Variants in TRIM71 observed in about 807,000 individuals in gnomAD.
TRIM71 encodes tripartite motif containing 71.
A neutral mutation model predicts 61.2 loss-of-function variants in TRIM71; 9 were observed. The ratio of observed to expected loss-of-function variants is 0.15; its 90% confidence interval spans 0.09 to 0.26. The LOEUF (loss-of-function observed/expected upper bound fraction) is 0.26. Ranked by LOEUF, TRIM71 falls within the 10% of genes least tolerant of loss-of-function variation. The pLI is 1.00. For synonymous variants in TRIM71, 645 were observed against 553.2 expected (o/e 1.17, Z -2.33); for missense variants, 998 against 1,238.7 (o/e 0.81, Z 2.92).
rs1471232176 is a variant in TRIM71, at chr3:32,818,242, C to T, written c.162C>T (p.Arg54=). The change falls in exon 1 of 4, where the codon CGC becomes CGT. Residue 54 remains arginine (R), a synonymous_variant. Coordinates refer to ENST00000383763, the MANE Select transcript of TRIM71 (RefSeq NM_001039111.3). The part of the protein sequence containing the change: ...GGGGGPGAAA[R]RLHVLPCLHA... ...GCGGGGGCCCTGGGGCGGCGGCGCGCCGCCTACACGTCCTGCCCTGCCTGC... is the reference window on the plus strand; with the variant it reads ...GCGGGGGCCCTGGGGCGGCGGCGCGTCGCCTACACGTCCTGCCCTGCCTGC... 2.0e-6 allele frequency: 3 copies of T among 1,488,756 alleles called. No individual in the cohort carries two copies. The highest frequency in any genetic ancestry group is 2.7e-6 in the Non-Finnish European group (3 of 1,130,266). 92.2% of individuals were successfully genotyped at this position (1,488,756 alleles called of 1,614,324 possible). A position where few individuals can be genotyped will look rare whatever the true frequency, so the allele number is the denominator to read the frequency against.
chr3:32,874,363 CTA>C (rs1696832153), intron 2 of TRIM71, among the ~76,000 whole-genome samples: 5 of 108,384 alleles, frequency 4.6e-5, no homozygotes, highest in African/African-American at 9.8e-5. Context: ...ACTACTACTA[CTA>C]CTACAACATA....
chr3:32,854,827 G>T (rs912416591), intron 1 of TRIM71, among the ~76,000 whole-genome samples: 1 of 152,180 alleles, frequency 6.6e-6, no homozygotes, highest in African/African-American at 2.4e-5. Flanking sequence ...GAGCATCCAT[G>T]TGCCAGACAC....
Position 32,897,263 on chromosome 3 carries a change from G to A in TRIM71, c.*5452G>A, listed in dbSNP as rs997891971. On this transcript the variant is annotated 3_prime_UTR_variant, in exon 4 of 4. Coordinates refer to ENST00000383763, the MANE Select transcript of TRIM71 (RefSeq NM_001039111.3). ...AGTTGCCTTATGTTAGAATGACTAA[G>A]TTAAACCTCTTAATTTGTATTTGTC... The A allele has an allele frequency of 3.3e-5, 5 of 151,842 alleles. No homozygotes were observed. Among genetic ancestry groups the A allele is most frequent in the Non-Finnish European group, 7.4e-5 (5 of 67,986 alleles). The allele number at this position is 151,842 out of a possible 1,614,324, so 9.4% of individuals were successfully genotyped here.
intron 2 of TRIM71, among the ~76,000 whole-genome samples, chr3:32,876,016 T>C (rs9846737): frequency 0.086 from 13,038 of 152,220 alleles, 1,137 homozygotes; most frequent in African/African-American, 0.23. Flanking sequence ...TTTGAGAGAC[T>C]TTCTTGAATG....
Position 32,894,070 on chromosome 3 carries a change from CT to C in TRIM71, c.*2260del, listed in dbSNP as rs1334344538. On this transcript the variant is annotated 3_prime_UTR_variant, in exon 4 of 4. Coordinates refer to ENST00000383763, the MANE Select transcript of TRIM71 (RefSeq NM_001039111.3). ...TCAGTTGCCTTTTGGCCGTTAAGCT[CT>C]AAGTTCTTTGGTAAAGAGTTAATAT... 2 of 152,164 alleles carry C rather than the reference CT, an allele frequency of 1.3e-5. No individual in the cohort carries two copies. The highest frequency in any genetic ancestry group is 2.9e-5 in the Non-Finnish European group (2 of 68,016). The allele number at this position is 152,164 out of a possible 1,614,324, so 9.4% of individuals were successfully genotyped here.
rs1020599972 is a variant in TRIM71 at position 32,819,051 on chromosome 3, C to T, written c.852+119C>T. The T allele has an allele frequency of 2.5e-5, 29 of 1,143,598 alleles. No individual in the cohort carries two copies. In the African/African-American group the frequency reaches 4.1e-4, roughly 16 times the overall value. 70.8% of individuals were successfully genotyped at this position (1,143,598 alleles called of 1,614,324 possible). Reference sequence around the variant, plus strand: ...CCCTCTCCGGATTTGGTTTGTATTTCCTTTGGCTACGTGGCAGTCCTTGCT... The same window carrying T: ...CCCTCTCCGGATTTGGTTTGTATTTTCTTTGGCTACGTGGCAGTCCTTGCT... On this transcript the variant is annotated intron_variant, in intron 1 of 3. Transcript: ENST00000383763.
In TRIM71 at chr3:32,835,980, C is replaced by T. The variant is rs371575055; in HGVS notation, c.852+17048C>T. Among the ~76,000 whole-genome samples the T allele has an allele frequency of 4.6e-5, 7 of 152,172 alleles. No homozygotes were observed. The East Asian group carries it at 9.6e-4, about 21-fold the overall frequency. On this transcript the variant is annotated intron_variant, in intron 1 of 3. Coordinates refer to ENST00000383763, the MANE Select transcript of TRIM71 (RefSeq NM_001039111.3). Reference sequence around the variant, plus strand: ...CTTGCTGGTCATTACTTGCTCTAAACTTGGCCTTTATGGTGTGAAATTTAT... The same window carrying T: ...CTTGCTGGTCATTACTTGCTCTAAATTTGGCCTTTATGGTGTGAAATTTAT...
intron 1 of TRIM71, among the ~76,000 whole-genome samples, chr3:32,822,815 C>T (rs558274934): frequency 3.9e-5 from 6 of 152,000 alleles, no homozygotes; most frequent in Admixed American, 6.6e-5. Context: ...CTATCTTTTC[C>T]GTCTTTAGAG....
rs1182178339 is a variant in TRIM71, at chr3:32,833,184, T to TAAAAAAAAAAAAAAAAAAAA, written c.852+14261_852+14280dup. 9.2e-4 allele frequency among the ~76,000 whole-genome samples: 50 copies of TAAAAAAAAAAAAAAAAAAAA among 54,426 alleles called. 3 individuals are homozygous for TAAAAAAAAAAAAAAAAAAAA. Among genetic ancestry groups the TAAAAAAAAAAAAAAAAAAAA allele is most frequent in the East Asian group, 2.6e-3 (3 of 1,158 alleles). 35.7% of individuals were successfully genotyped at this position (54,426 alleles called of 152,430 possible). A position where few individuals can be genotyped will look rare whatever the true frequency, so the allele number is the denominator to read the frequency against. On this transcript the variant is annotated intron_variant, in intron 1 of 3. Coordinates refer to ENST00000383763, the MANE Select transcript of TRIM71 (RefSeq NM_001039111.3). ...GGTGACAAGAATGAAACTCTGTCTT[T>TAAAAAAAAAAAAAAAAAAAA]AAAAAAAAAAAAAAAAAAAAAAAAA...
At chr3:32,872,778 AC>A (rs1696809843) in intron 1 of TRIM71, among the ~76,000 whole-genome samples, 1 of 151,374 alleles carries the variant, frequency 6.6e-6, no homozygotes, top group Non-Finnish European at 1.5e-5. Context: ...GCACTCCCCA[AC>A]TCCTGTCCTC....
intron 1 of TRIM71, among the ~76,000 whole-genome samples, chr3:32,835,606 G>A (rs1161627540): frequency 6.6e-6 from 1 of 152,158 alleles, no homozygotes; most frequent in Non-Finnish European, 1.5e-5. Flanking sequence ...TTCTGAGTAT[G>A]TTTATGCCTG....
intron 1 of TRIM71, among the ~76,000 whole-genome samples, chr3:32,833,184 T>TAA (rs1182178339): frequency 0.04 from 2,184 of 54,378 alleles, 226 homozygotes; most frequent in African/African-American, 0.063. Flanking sequence ...ACTCTGTCTT[T>TAA]AAAAAAAAAA....
At chr3:32,851,001 T>A (rs971619351) in intron 1 of TRIM71, among the ~76,000 whole-genome samples, 1 of 152,214 alleles carries the variant, frequency 6.6e-6, no homozygotes. Flanking sequence ...AAACAAATTA[T>A]TATTTTTCAA....
At chr3:32,877,727 G>A (rs1696865329) in intron 2 of TRIM71, among the ~76,000 whole-genome samples, 1 of 152,122 alleles carries the variant, frequency 6.6e-6, no homozygotes, top group Admixed American at 6.5e-5. Flanking sequence ...CAACAATTCA[G>A]TCACATCTTC....
chr3:32,890,660 C>G lies in TRIM71; in HGVS notation c.1456C>G (p.Leu486Val), dbSNP rs923271216. 3 of 1,613,858 alleles carry G rather than the reference C, an allele frequency of 1.9e-6. No homozygotes were observed. Among genetic ancestry groups the G allele is most frequent in the Admixed American group, 1.7e-5 (1 of 60,014 alleles). ...TGTTAGCAGCGGGGCCTTTGCCCCA[C>G]TCACCAAGGCCACAGGCGATGGCCT... is the stretch of plus-strand genomic sequence containing the variant. ...GFVSSGAFAP[L>V]TKATGDGLKR... Residue 486 changes from leucine (L) to valine (V), a missense_variant, in exon 4 of 4, where the codon CTC becomes GTC. Leu to Val is a conservative substitution (Grantham distance 32). Around this residue, in one of 5 missense-constraint regions of TRIM71, gnomAD observed 291 missense variants for 431.2 expected, o/e 0.67. Coordinates refer to ENST00000383763, the MANE Select transcript of TRIM71 (RefSeq NM_001039111.3). This position sits in a 1 kb window ranked among gnomAD's most constrained non-coding sequence, Gnocchi z 6.2.
chr3:32,882,102 T>C (rs1209041959), intron 2 of TRIM71, among the ~76,000 whole-genome samples: 1 of 152,134 alleles, frequency 6.6e-6, no homozygotes, highest in African/African-American at 2.4e-5. Context: ...AGTACACCCA[T>C]TCCTATGCAA....
chr3:32,880,724 T>A (rs1481725635), intron 2 of TRIM71, among the ~76,000 whole-genome samples: 1 of 152,242 alleles, frequency 6.6e-6, no homozygotes, highest in Admixed American at 6.5e-5. Flanking sequence ...AACATTCTGT[T>A]ACTTTCACTT....
At chr3:32,859,319 G>C (rs1162749315) in intron 1 of TRIM71, among the ~76,000 whole-genome samples, 1 of 152,164 alleles carries the variant, frequency 6.6e-6, no homozygotes, top group Admixed American at 6.5e-5. Context: ...GAGTGCAGTG[G>C]CGTGATGTCG....
At position 32,865,815 on chromosome 3, in the gene TRIM71, C is replaced by CT. The variant is rs139123002; in HGVS notation, c.853-7975dup. Reference sequence around the variant, plus strand: ...CGGCCCCCCCCCCCCCCCGCCCCACCTTTTTTTTTTTTTTTTTTTTTTTTT... The same window carrying CT: ...CGGCCCCCCCCCCCCCCCGCCCCACCTTTTTTTTTTTTTTTTTTTTTTTTTT... On this transcript the variant is annotated intron_variant, in intron 1 of 3. Coordinates refer to ENST00000383763, the MANE Select transcript of TRIM71 (RefSeq NM_001039111.3). 8.8e-3 allele frequency among the ~76,000 whole-genome samples: 144 copies of CT among 16,294 alleles called. 5 individuals are homozygous for CT. Among genetic ancestry groups the CT allele is most frequent in the South Asian group, 0.012 (2 of 166 alleles). 10.7% of individuals were successfully genotyped at this position (16,294 alleles called of 152,430 possible).
Sources: gnomAD v4.1 joint callset for allele counts (sites outside exome capture counted in the v4.1 genomes callset) on GRCh38, gnomAD v4.1.1 for gene constraint, gnomAD v4.1.1 regional missense constraint, Gnocchi (gnomAD v3.1) non-coding constraint, MANE v1.5 for transcripts, NCBI Gene and HGNC (gene_info 2026-07-23, HGNC 2026-07-21) for gene names.